The following MAPK10 variants were observed in gnomAD, a reference collection of about 807,000 sequenced individuals.
MAPK10 encodes the protein JNK3 alpha protein kinase.
A neutral mutation model predicts 59.3 loss-of-function variants in MAPK10; 25 were observed. The observed-to-expected ratio is 0.42, with a 90% CI of 0.31 to 0.59. MAPK10 has a LOEUF of 0.59. Among genes scored for constraint, MAPK10 ranks in the 20% least tolerant of loss-of-function variants. MAPK10 has a pLI of 0.15. For synonymous variants in MAPK10, 190 were observed against 200.5 expected (o/e 0.95, Z 0.44); for missense variants, 351 against 568.9 (o/e 0.62, Z 3.90).
chr4:86,484,169 G>A (rs769071459), intron 1 of MAPK10, among the ~76,000 whole-genome samples: 8 of 152,136 alleles, frequency 5.3e-5, no homozygotes, highest in African/African-American at 1.7e-4. Context: ...ATGTTTAAAC[G>A]GAGTGGCTAA....
chr4:86,589,668 G>A (rs1309301983), intron 1 of MAPK10, among the ~76,000 whole-genome samples: 1 of 147,134 alleles, frequency 6.8e-6, no homozygotes, highest in Non-Finnish European at 1.5e-5. Flanking sequence ...TGTGACAAGA[G>A]CAAAACTCCG....
chr4:86,115,356 G>C lies in MAPK10; in HGVS notation c.237-8004C>G, dbSNP rs143839861. Among the ~76,000 whole-genome samples the C allele has an allele frequency of 2.6e-5, 4 of 152,202 alleles. No individual in the cohort carries two copies. In the East Asian group the frequency reaches 7.8e-4, roughly 30 times the overall value. On this transcript the variant is annotated intron_variant, in intron 4 of 13. Coordinates refer to ENST00000641462, the MANE Select transcript of MAPK10 (RefSeq NM_138982.4). ...CCCTGCTTTTCCTCACTCTGCATGG[G>C]TCATACCAACTGCCTATTCAGTCCC...
intron 9 of MAPK10, among the ~76,000 whole-genome samples, chr4:86,072,182 G>C (rs907450743): frequency 6.6e-6 from 1 of 150,876 alleles, no homozygotes; most frequent in African/African-American, 2.5e-5. Flanking sequence ...CTCTTGATTT[G>C]GCTCTCTGTT....
chr4:86,174,469 G>A (rs530099584), intron 3 of MAPK10, among the ~76,000 whole-genome samples: 8 of 152,130 alleles, frequency 5.3e-5, no homozygotes, highest in Non-Finnish European at 7.4e-5. Context: ...ACCTGTCAGG[G>A]GGGTGGTGGA....
intron 2 of MAPK10, among the ~76,000 whole-genome samples, chr4:86,333,069 C>T (rs754855875): frequency 6.6e-6 from 1 of 152,130 alleles, no homozygotes; most frequent in Non-Finnish European, 1.5e-5. Flanking sequence ...CTTCTGCCTT[C>T]CAAGTAGCTG....
rs563501019 is a variant in MAPK10 at position 86,136,999 on chromosome 4, T to C, written c.236+22299A>G. On this transcript the variant is annotated intron_variant, in intron 4 of 13. Coordinates refer to ENST00000641462, the MANE Select transcript of MAPK10 (RefSeq NM_138982.4). ...AGAAGAGCTAACTATCCTAAATATA[T>C]ATGCACCCAATACAGGAGCACCCAG... Among the ~76,000 whole-genome samples, 14 of 152,042 alleles carry C rather than the reference T, an allele frequency of 9.2e-5. No homozygotes were observed. In the South Asian group the frequency reaches 1.0e-3, roughly 11 times the overall value.
intron 11 of MAPK10, among the ~76,000 whole-genome samples, chr4:86,043,576 T>G (rs897826057): frequency 1.3e-5 from 2 of 152,190 alleles, no homozygotes; most frequent in Non-Finnish European, 2.9e-5. Flanking sequence ...AAGGTTTGCT[T>G]TGATTCTTTG....
intron 2 of MAPK10, among the ~76,000 whole-genome samples, chr4:86,330,382 TG>T (rs1342107270): frequency 6.6e-6 from 1 of 152,210 alleles, no homozygotes; most frequent in Non-Finnish European, 1.5e-5. Flanking sequence ...AGGGAAGCCC[TG>T]GTACAGACTA....
chr4:86,576,692 A>G (rs62308407), intron 1 of MAPK10, among the ~76,000 whole-genome samples: 1,633 of 151,686 alleles, frequency 0.011, 20 homozygotes, highest in Non-Finnish European at 0.014. Context: ...GGAGAATGGC[A>G]TGAACCCGGG....
chr4:86,481,555 G>C (rs1406944798), intron 1 of MAPK10, among the ~76,000 whole-genome samples: 7 of 151,738 alleles, frequency 4.6e-5, no homozygotes, highest in African/African-American at 1.7e-4. Flanking sequence ...ATTTGGTATT[G>C]TTCTCATCCA....
intron 1 of MAPK10, among the ~76,000 whole-genome samples, chr4:86,478,853 C>T (rs866789666): frequency 3.3e-5 from 5 of 152,332 alleles, no homozygotes; most frequent in Middle Eastern, 3.4e-3. Flanking sequence ...ACTAGCCTGC[C>T]TCTTAGAACC....
intron 2 of MAPK10, among the ~76,000 whole-genome samples, chr4:86,309,006 T>A (rs1024353698): frequency 7.2e-5 from 11 of 152,156 alleles, no homozygotes; most frequent in Non-Finnish European, 1.5e-4. Context: ...AATACTGCTA[T>A]CATCATCATT....
intron 2 of MAPK10, among the ~76,000 whole-genome samples, chr4:86,320,378 T>G (rs2095865699): frequency 6.6e-6 from 1 of 152,334 alleles, no homozygotes; most frequent in African/African-American, 2.4e-5. Context: ...GTGATAGAAC[T>G]TGATTCACAG....
chr4:86,517,477 G>A (rs539401723), intron 1 of MAPK10, among the ~76,000 whole-genome samples: 124 of 151,942 alleles, frequency 8.2e-4, no homozygotes, highest in Non-Finnish European at 1.5e-3. Flanking sequence ...GGGTTTCACC[G>A]TGTTAGCCAG....
intron 1 of MAPK10, among the ~76,000 whole-genome samples, chr4:86,533,697 T>C (rs1421296375): frequency 6.6e-6 from 1 of 152,182 alleles, no homozygotes; most frequent in East Asian, 1.9e-4. Flanking sequence ...GTGTACCACT[T>C]TGTAGCCTGA....
At chr4:86,140,010 A>G (rs1363612747) in intron 4 of MAPK10, among the ~76,000 whole-genome samples, 58 of 134,296 alleles carry the variant, frequency 4.3e-4, no homozygotes, top group Non-Finnish European at 7.0e-4. Flanking sequence ...TTAGAATGGC[A>G]ATCATTAAAA....
At chr4:86,125,075 G>T (rs899974763) in intron 4 of MAPK10, 7 of 151,756 alleles carry the variant, frequency 4.6e-5, no homozygotes, top group East Asian at 1.9e-4. Flanking sequence ...TTAATAAAAA[G>T]AATATTTTCA....
chr4:86,133,755 C>T (rs755094628), intron 4 of MAPK10, among the ~76,000 whole-genome samples: 1 of 152,152 alleles, frequency 6.6e-6, no homozygotes, highest in East Asian at 1.9e-4. Flanking sequence ...TTAAGTCAGT[C>T]CTTACTGACC....
chr4:86,346,056 T>C (rs1162221852), intron 2 of MAPK10, among the ~76,000 whole-genome samples: 2 of 152,212 alleles, frequency 1.3e-5, no homozygotes, highest in Non-Finnish European at 2.9e-5. Context: ...TGTGTTTTGG[T>C]TCCTTAAATT....
Sources: gnomAD v4.1 joint callset for allele counts (sites outside exome capture counted in the v4.1 genomes callset) on GRCh38, gnomAD v4.1.1 for gene constraint, MANE v1.5 for transcripts, NCBI Gene and HGNC (gene_info 2026-07-23, HGNC 2026-07-21) for gene names.